The following GSE1 variants were observed in gnomAD, a reference collection of about 807,000 sequenced individuals.
GSE1 encodes the protein Gse1 coiled-coil protein.
In GSE1, 32 loss-of-function variants were observed where a neutral mutation model predicts 112.6. The observed-to-expected ratio is 0.28, with a 90% CI of 0.21 to 0.38. The LOEUF (loss-of-function observed/expected upper bound fraction) is 0.38, where lower values mean the gene tolerates loss of function less well. Ranked by LOEUF, GSE1 falls within the 10% of genes least tolerant of loss-of-function variation. The probability of loss-of-function intolerance (pLI) is 1.00; values close to 1 mark genes in which losing one functional copy is unlikely to be tolerated. For missense variants in GSE1, 2,348 were observed against 1,699.2 expected (o/e 1.38, Z -6.71); for synonymous variants, 1,115 against 735.6 (o/e 1.52, Z -8.35).
intron 1 of GSE1, among the ~76,000 whole-genome samples, chr16:85,232,533 A>G (rs998319366): frequency 6.6e-6 from 1 of 151,834 alleles, no homozygotes; most frequent in African/African-American, 2.4e-5. Context: ...TCTCGGGAGC[A>G]AAATGGATAG....
intron 1 of GSE1, among the ~76,000 whole-genome samples, chr16:85,291,351 C>T (rs1236230525): frequency 6.6e-6 from 1 of 152,210 alleles, no homozygotes; most frequent in Non-Finnish European, 1.5e-5. Context: ...CAGAAGGGCG[C>T]CTTTGTGCCC....
At chr16:85,368,144 G>A (rs942507410) in intron 2 of GSE1, among the ~76,000 whole-genome samples, 24 of 152,242 alleles carry the variant, frequency 1.6e-4, no homozygotes, top group South Asian at 8.3e-4. Flanking sequence ...GTGAGCCACC[G>A]GAAATAAGAT....
At position 85,311,598 on chromosome 16, in the gene GSE1, G is replaced by A. The variant is rs1224426326; in HGVS notation, c.2284-45865G>A. Among the ~76,000 whole-genome samples, 3 of 151,250 alleles carry A rather than the reference G, an allele frequency of 2.0e-5. No homozygotes were observed. The highest frequency in any genetic ancestry group is 4.4e-5 in the Non-Finnish European group (3 of 67,874). On this transcript the variant is annotated intron_variant, in intron 1 of 2. Transcript: ENST00000637419. This position sits in a 1 kb window ranked among gnomAD's most constrained non-coding sequence, Gnocchi z 4.2. ...TCTTCCCTCCTTGGGGTACTCCATG[G>A]GCTTCTGCTTCGGTGCCCCTGGGGG... is the stretch of plus-strand genomic sequence containing the variant.
chr16:85,247,907 C>G lies in GSE1; in HGVS notation c.2283+76100C>G, dbSNP rs76561049. The stretch of plus-strand genomic sequence containing the variant: ...CTGAAGGCCCTTTCTGCAAGGAGGC[C>G]TGGGCTCTGCCAGATGGTGGCTTCC... On this transcript the variant is annotated intron_variant, in intron 1 of 2. Coordinates refer to the GSE1 transcript ENST00000637419. 5.8e-4 allele frequency among the ~76,000 whole-genome samples: 88 copies of G among 152,368 alleles called. 1 individual carries two copies. In the East Asian group the frequency reaches 0.015, roughly 26 times the overall value.
At chr16:85,226,467 C>G (rs1054939654) in intron 1 of GSE1, among the ~76,000 whole-genome samples, 10 of 152,168 alleles carry the variant, frequency 6.6e-5, no homozygotes, top group African/African-American at 2.4e-4. Context: ...GAGGTGGGGC[C>G]TGACCAAGGG....
intron 1 of GSE1, among the ~76,000 whole-genome samples, chr16:85,238,201 C>T (rs1904858595): frequency 1.3e-5 from 2 of 152,134 alleles, no homozygotes; most frequent in African/African-American, 2.4e-5. Flanking sequence ...TTTTCTCTGC[C>T]CAGGTTCTCC....
At chr16:85,433,285 G>A (rs1047809870) in intron 2 of GSE1, among the ~76,000 whole-genome samples, 1 of 151,840 alleles carries the variant, frequency 6.6e-6, no homozygotes, top group Non-Finnish European at 1.5e-5. Flanking sequence ...CCATTTTACA[G>A]GCAAAGGAAC....
At chr16:85,666,603 G>A (rs912966059) in intron 13 of GSE1, 3 of 527,596 alleles carry the variant, frequency 5.7e-6, no homozygotes, top group Non-Finnish European at 6.8e-6. Flanking sequence ...GGGACGCATC[G>A]ATCGGTAAGA....
chr16:85,616,153 C>G (rs572723902), intron 1 of GSE1, among the ~76,000 whole-genome samples: 19 of 152,360 alleles, frequency 1.2e-4, no homozygotes, highest in African/African-American at 4.6e-4. Context: ...GGTCCTGCAC[C>G]TCTGAGCTAG....
Position 85,284,357 on chromosome 16 carries a change from G to A in GSE1, c.2284-73106G>A, listed in dbSNP as rs139435630. Among the ~76,000 whole-genome samples the A allele has an allele frequency of 7.5e-4, 114 of 152,302 alleles. 1 individual carries two copies. Among genetic ancestry groups the A allele is most frequent in the African/African-American group, 2.5e-3 (105 of 41,564 alleles). ...GGGAAAGAGAGAGAGGTCTCCCGGC[G>A]GGGGCCGGGCGCGAGAGCCTCTGCT... On this transcript the variant is annotated intron_variant, in intron 1 of 2. Transcript: ENST00000637419.
intron 1 of GSE1, 144 bp downstream of exon 1, chr16:85,613,542 G>C: frequency 3.8e-6 from 3 of 797,082 alleles, no homozygotes; most frequent in Non-Finnish European, 5.8e-6. Context: ...GATAAGAGCC[G>C]GGAGGGCGGG....
chr16:85,500,729 G>A (rs1295632233), intron 2 of GSE1, among the ~76,000 whole-genome samples: 5 of 152,182 alleles, frequency 3.3e-5, no homozygotes, highest in Admixed American at 2.0e-4. Context: ...TACCAAAACC[G>A]GGGGATGGAG....
chr16:85,598,415 G>A (rs1567631261), intron 1 of GSE1, among the ~76,000 whole-genome samples: 2 of 152,150 alleles, frequency 1.3e-5, no homozygotes, highest in Non-Finnish European at 2.9e-5. Flanking sequence ...CCATCCCAGA[G>A]CCGCGTGTCT....
intron 1 of GSE1, chr16:85,595,585 G>A (rs1340355601): frequency 6.6e-6 from 1 of 152,086 alleles, no homozygotes; most frequent in African/African-American, 2.4e-5. Flanking sequence ...CATGTGGTTG[G>A]GACTTTGTAA....
chr16:85,631,502 C>A (rs1172875975), intron 1 of GSE1, among the ~76,000 whole-genome samples: 4 of 152,220 alleles, frequency 2.6e-5, no homozygotes, highest in African/African-American at 7.2e-5. Context: ...CATTGTGGCT[C>A]CAGTGGGGTG....
chr16:85,332,838 C>T (rs1033629935), intron 1 of GSE1, among the ~76,000 whole-genome samples: 9 of 152,146 alleles, frequency 5.9e-5, no homozygotes, highest in African/African-American at 1.2e-4. Flanking sequence ...CCCTTCATGG[C>T]GGGCCCAGGG....
At chr16:85,355,441 G>A (rs2046932316) in intron 1 of GSE1, among the ~76,000 whole-genome samples, 1 of 152,186 alleles carries the variant, frequency 6.6e-6, no homozygotes, top group Non-Finnish European at 1.5e-5. Flanking sequence ...GGCCTGGGCT[G>A]ACCTTGCCTG....
intron 1 of GSE1, among the ~76,000 whole-genome samples, chr16:85,622,441 G>A (rs1025296022): frequency 6.6e-6 from 1 of 152,156 alleles, no homozygotes; most frequent in Non-Finnish European, 1.5e-5. Context: ...GTTCATACTC[G>A]TGGGTTGCCA....
At chr16:85,509,211 G>A (rs148822871) in intron 2 of GSE1, among the ~76,000 whole-genome samples, 307 of 152,338 alleles carry the variant, frequency 2.0e-3, no homozygotes, top group Non-Finnish European at 3.8e-3. Flanking sequence ...GTGGGTGCAC[G>A]TGGACGCAAG....
Sources: gnomAD v4.1 joint callset for allele counts (sites outside exome capture counted in the v4.1 genomes callset) on GRCh38, gnomAD v4.1.1 for gene constraint, Gnocchi (gnomAD v3.1) non-coding constraint, MANE v1.5 for transcripts, NCBI Gene and HGNC (gene_info 2026-07-23, HGNC 2026-07-21) for gene names.